Variants in CFHR5 observed in about 807,000 individuals in gnomAD.
CFHR5 encodes complement factor H related 5, also known as complement factor H-related protein 5.
A neutral mutation model predicts 62.9 loss-of-function variants in CFHR5; 73 were observed. That is an observed-to-expected ratio of 1.16 (90% CI 0.96 to 1.41). CFHR5 has a LOEUF of 1.41. Ranked by LOEUF, CFHR5 falls within the 40% of genes most tolerant of loss-of-function variation. The pLI is 0.00. For synonymous variants in CFHR5, 249 were observed against 227.2 expected, an observed-to-expected ratio of 1.10 and a Z score of -0.86; for missense variants, 779 against 679.9, an observed-to-expected ratio of 1.15 and a Z score of -1.62.
chr1:196,980,782 G>A (rs1416479163), intron 1 of CFHR5, among the ~76,000 whole-genome samples: 2 of 152,074 alleles, frequency 1.3e-5, no homozygotes, highest in South Asian at 2.1e-4. Flanking sequence ...ATGGTTATAC[G>A]ATGAATGTTG....
chr1:196,976,729 A>T (rs1271509233), upstream of CFHR5, among the ~76,000 whole-genome samples: 1 of 152,120 alleles, frequency 6.6e-6, no homozygotes, highest in African/African-American at 2.4e-5. Context: ...GTCCCACCTG[A>T]ACAAAATGAT....
intron 4 of CFHR5, among the ~76,000 whole-genome samples, chr1:196,995,033 A>T (rs931943029): frequency 2.6e-5 from 4 of 152,194 alleles, no homozygotes; most frequent in South Asian, 2.1e-4. Context: ...ACAATTCAAG[A>T]TGAGATTTGG....
intron 8 of CFHR5, among the ~76,000 whole-genome samples, chr1:197,003,933 G>A (rs556728058): frequency 6.6e-6 from 1 of 152,094 alleles, no homozygotes; most frequent in East Asian, 1.9e-4. Context: ...CAAGTTTAAA[G>A]GTGAAAGAAT....
rs371063140 is a variant in CFHR5, at chr1:196,982,913, C to A, written c.87C>A (p.His29Gln). ...EGTLCDFPKI[H>Q]HGFLYDEEDY... Reference sequence around the variant, plus strand: ...CACTTTGTGATTTTCCAAAAATACACCATGGATTTCTGTATGATGAAGAAG... The same window carrying A: ...CACTTTGTGATTTTCCAAAAATACAACATGGATTTCTGTATGATGAAGAAG... The change falls in exon 2 of 10, where the codon CAC becomes CAA. Residue 29 changes from histidine to glutamine, a missense_variant. Physicochemically the swap from His to Gln is conservative, Grantham distance 24. Transcript: ENST00000256785. 4 of 1,613,986 alleles carry A rather than the reference C, an allele frequency of 2.5e-6. No individual in the cohort carries two copies. Among genetic ancestry groups the A allele is most frequent in the South Asian group, 1.1e-5 (1 of 91,044 alleles).
chr1:197,006,161 G>C (rs547491960), intron 9 of CFHR5, among the ~76,000 whole-genome samples: 33 of 152,116 alleles, frequency 2.2e-4, no homozygotes, highest in Admixed American at 5.2e-4. Flanking sequence ...ATTTCCAAAA[G>C]AAAAGTAAGA....
At chr1:197,001,944 A>G (rs1241709773) in intron 7 of CFHR5, among the ~76,000 whole-genome samples, 10 of 152,054 alleles carry the variant, frequency 6.6e-5, no homozygotes, top group Non-Finnish European at 1.3e-4. Context: ...CCAAGCAACC[A>G]AAAAAGAATT....
upstream of CFHR5, among the ~76,000 whole-genome samples, chr1:196,975,155 A>C (rs1653367327): frequency 1.3e-5 from 2 of 152,200 alleles, no homozygotes; most frequent in South Asian, 2.1e-4. Context: ...AATTTTTCTG[A>C]GTATTCAGTT....
chr1:197,007,351 A>G (rs931069492), intron 9 of CFHR5, among the ~76,000 whole-genome samples: 14 of 152,124 alleles, frequency 9.2e-5, no homozygotes, highest in African/African-American at 3.4e-4. Flanking sequence ...AACACATAAG[A>G]ATTTTTACAA....
intron 7 of CFHR5, 48 bp downstream of exon 7, chr1:196,998,352 G>T: frequency 7.0e-7 from 1 of 1,429,116 alleles, no homozygotes; most frequent in South Asian, 1.2e-5. Context: ...TTCTTTACAA[G>T]AAAAATTATT....
intron 2 of CFHR5, among the ~76,000 whole-genome samples, chr1:196,983,307 A>C (rs1326730596): frequency 6.6e-6 from 1 of 152,194 alleles, no homozygotes; most frequent in Non-Finnish European, 1.5e-5. Context: ...GAAATACATT[A>C]ATTTTTTTAA....
At chr1:196,998,022 A>G (rs888682706) in intron 6 of CFHR5, 106 bp from the exon 7 acceptor site, 1 of 729,320 alleles carries the variant, frequency 1.4e-6, no homozygotes, top group Admixed American at 2.7e-5. Context: ...ATTAAGAATA[A>G]GTTTTGTGAT....
At chr1:196,985,244 C>T (rs1653652276) in intron 3 of CFHR5, among the ~76,000 whole-genome samples, 1 of 152,112 alleles carries the variant, frequency 6.6e-6, no homozygotes, top group African/African-American at 2.4e-5. Context: ...CCTGTAGTCC[C>T]CGCCACTGGC....
At chr1:196,993,137 G>T (rs1558286273) in intron 3 of CFHR5, among the ~76,000 whole-genome samples, 1 of 152,060 alleles carries the variant, frequency 6.6e-6, no homozygotes, top group African/African-American at 2.4e-5. Context: ...AAACATATTA[G>T]TGATAGAGTT....
At chr1:196,980,467 G>A (rs898806247) in intron 1 of CFHR5, among the ~76,000 whole-genome samples, 29 of 152,064 alleles carry the variant, frequency 1.9e-4, no homozygotes, top group Admixed American at 9.8e-4. Flanking sequence ...TGATGTTGTG[G>A]TGGTCATCAG....
chr1:196,977,663 GCA>G lies in CFHR5; in HGVS notation c.-1_1del, dbSNP rs773566789. ...AGTTATATACGATTGAGACTACCAA[GCA>G]TGTTGCTCTTATTCAGTGTAATCCT... On this transcript the variant is annotated start_lost and 5_prime_UTR_variant, in exon 1 of 10. Coordinates refer to ENST00000256785, the MANE Select transcript of CFHR5 (RefSeq NM_030787.4). The G allele has an allele frequency of 6.2e-7, 1 of 1,611,592 alleles. No homozygotes were observed. Among genetic ancestry groups the G allele is most frequent in the Non-Finnish European group, 8.5e-7 (1 of 1,177,890 alleles).
chr1:196,977,241 G>A (rs1288118563), upstream of CFHR5, among the ~76,000 whole-genome samples: 1 of 151,382 alleles, frequency 6.6e-6, no homozygotes, highest in East Asian at 1.9e-4. Context: ...TTAAGATGAG[G>A]ACTGATGACT....
intron 7 of CFHR5, among the ~76,000 whole-genome samples, 191 bp downstream of exon 7, chr1:196,998,495 A>G (rs968645773): frequency 3.3e-5 from 5 of 152,074 alleles, no homozygotes; most frequent in African/African-American, 9.7e-5. Flanking sequence ...TTTCTGGTAA[A>G]GATGAGAGAG....
Position 196,998,310 on chromosome 1 carries a change from A to AT in CFHR5, c.1147+9dup. ...TCCTGAAGTAGACTGCACAGGTAAG[A>AT]TTTGTTTAAAACATTTTGTTGATCT... is the stretch of plus-strand genomic sequence containing the variant. On this transcript the variant is annotated splice_region_variant and intron_variant, in intron 7 of 9. Transcript: ENST00000256785. 6.2e-7 allele frequency: 1 copy of AT among 1,607,746 alleles called. No homozygotes were observed. The highest frequency in any genetic ancestry group is 1.1e-5 in the South Asian group (1 of 90,214).
rs1369429921 is a variant in CFHR5 at position 196,998,137 on chromosome 1, A to C, written c.980A>C (p.Gln327Pro). The C allele has an allele frequency of 5.2e-6, 8 of 1,542,116 alleles. No homozygotes were observed. In the African/African-American group the frequency reaches 1.1e-4, roughly 21 times the overall value. ...ATATTATTTTTTATAGCAACACACC[A>C]ACTTAAGAGGTGCAAAATAGCAGGA... ...TELPMCVATH[Q>P]LKRCKIAGVN... The change falls in exon 7 of 10, where the codon CAA becomes CCA. Residue 327 changes from glutamine to proline, a missense_variant. Physicochemically the swap from Gln to Pro is moderately conservative, Grantham distance 76. Coordinates refer to ENST00000256785, the MANE Select transcript of CFHR5 (RefSeq NM_030787.4).
Sources: allele counts gnomAD v4.1 joint callset (sites outside exome capture counted in the v4.1 genomes callset), GRCh38; gene constraint gnomAD v4.1.1; transcripts MANE v1.5; gene names NCBI Gene and HGNC (gene_info 2026-07-23, HGNC 2026-07-21).